Variants in DAB1 observed in about 807,000 individuals in gnomAD.
DAB1 encodes disabled homolog 1.
A neutral mutation model predicts 64.6 loss-of-function variants in DAB1; 15 were observed. The observed-to-expected ratio is 0.23, with a 90% CI of 0.16 to 0.36. DAB1 has a LOEUF of 0.36. DAB1 is among the 10% of genes least tolerant of loss of function. The pLI, the probability that DAB1 is intolerant of heterozygous loss-of-function variation, is 1.00. For missense variants in DAB1, 596 were observed against 706.7 expected, an observed-to-expected ratio of 0.84 and a Z score of 1.78; for synonymous variants, 235 against 251.9, an observed-to-expected ratio of 0.93 and a Z score of 0.64.
chr1:58,057,090 TC>T (rs1019431055), intron 5 of DAB1, among the ~76,000 whole-genome samples: 5 of 152,156 alleles, frequency 3.3e-5, no homozygotes, highest in Non-Finnish European at 7.4e-5. Flanking sequence ...ACTCTGATTT[TC>T]CCCTCTGGCC....
At chr1:57,440,042 C>A (rs1685881965) in intron 7 of DAB1, among the ~76,000 whole-genome samples, 1 of 152,172 alleles carries the variant, frequency 6.6e-6, no homozygotes, top group Non-Finnish European at 1.5e-5. Flanking sequence ...TCACCTTCTA[C>A]TTGTTTGCCT....
chr1:57,825,897 C>T (rs2101899496), downstream of DAB1, among the ~76,000 whole-genome samples: 2 of 152,222 alleles, frequency 1.3e-5, no homozygotes, highest in East Asian at 3.9e-4. Flanking sequence ...TTTCTGATCT[C>T]CTGGGTCTCA....
intron 6 of DAB1, among the ~76,000 whole-genome samples, chr1:57,777,197 C>T (rs1029226039): frequency 3.3e-5 from 2 of 61,046 alleles, no homozygotes; most frequent in Non-Finnish European, 6.5e-5. Flanking sequence ...TATTTGTATT[C>T]CTCTATACTT....
At chr1:57,707,836 TCTCTGAGCCCAGGATCTATGTGA>T (rs1434021428) in intron 6 of DAB1, among the ~76,000 whole-genome samples, 1 of 152,168 alleles carries the variant, frequency 6.6e-6, no homozygotes, top group Non-Finnish European at 1.5e-5. Flanking sequence ...ATTAGGGGGC[TCTCTGAGCCCAGGATCTATGTGA>T]CTCTTGCAGA....
chr1:57,513,913 T>G (rs1056350408), intron 7 of DAB1, among the ~76,000 whole-genome samples: 1 of 152,206 alleles, frequency 6.6e-6, no homozygotes, highest in Non-Finnish European at 1.5e-5. Flanking sequence ...AGTTCCACTT[T>G]TTTTAGGTTC....
chr1:57,873,313 G>C (rs1236633199), intron 1 of DAB1, among the ~76,000 whole-genome samples: 1 of 152,112 alleles, frequency 6.6e-6, no homozygotes, highest in Non-Finnish European at 1.5e-5. Flanking sequence ...TAAAAAATGA[G>C]TAGGGTGAGA....
chr1:58,056,240 T>C, intron 5 of DAB1: 1 of 1,429,794 alleles, frequency 7.0e-7, no homozygotes, highest in Non-Finnish European at 9.7e-7. Context: ...ACTACTTTGC[T>C]GTGAATTGCA....
At chr1:57,847,036 G>A (rs1320452760) in intron 1 of DAB1, among the ~76,000 whole-genome samples, 4 of 152,186 alleles carry the variant, frequency 2.6e-5, no homozygotes, top group Admixed American at 6.5e-5. Flanking sequence ...ACCCACTTGT[G>A]AAGCACAGAA....
intron 1 of DAB1, among the ~76,000 whole-genome samples, chr1:57,381,855 G>A (rs748563459): frequency 6.6e-6 from 1 of 152,040 alleles, no homozygotes; most frequent in Non-Finnish European, 1.5e-5. Context: ...ATTAAACTTC[G>A]AGCTCACTGC....
chr1:57,504,095 G>A (rs369806223), intron 7 of DAB1, among the ~76,000 whole-genome samples: 18 of 152,184 alleles, frequency 1.2e-4, no homozygotes, highest in African/African-American at 4.3e-4. Flanking sequence ...CTGGCAGACA[G>A]GAGGCATTAA....
Position 57,269,483 on chromosome 1 carries a change from C to T in DAB1, c.67+21481G>A, listed in dbSNP as rs189606156. ...TAAGAGCCCCCTGAAGCTGTCACCC[C>T]CCTCCCTGGCCACTCACAGAACAAA... On this transcript the variant is annotated intron_variant, in intron 2 of 14. Coordinates refer to ENST00000371236, the MANE Select transcript of DAB1 (RefSeq NM_001365792.1). Among the ~76,000 whole-genome samples, 587 of 152,188 alleles carry T rather than the reference C, an allele frequency of 3.9e-3. 2 individuals are homozygous for T. Among genetic ancestry groups the T allele is most frequent in the Middle Eastern group, 0.014 (4 of 294 alleles).
intron 6 of DAB1, among the ~76,000 whole-genome samples, chr1:57,750,524 A>G (rs1368655439): frequency 6.6e-6 from 1 of 152,202 alleles, no homozygotes; most frequent in Admixed American, 6.5e-5. Context: ...TATTGTAATA[A>G]ACATTCAATG....
chr1:57,953,530 A>C (rs1327136234), intron 5 of DAB1, among the ~76,000 whole-genome samples: 1 of 152,188 alleles, frequency 6.6e-6, no homozygotes, highest in African/African-American at 2.4e-5. Flanking sequence ...CATTTTACAG[A>C]GTGGACTCCA....
chr1:58,147,983 G>GAAAAAAAAAAAA (rs58099365), intron 5 of DAB1, among the ~76,000 whole-genome samples: 1 of 113,554 alleles, frequency 8.8e-6, no homozygotes, highest in Non-Finnish European at 2.0e-5. Context: ...TATAGCTGGA[G>GAAAAAAAAAAAA]AAAAAAAAAA....
At chr1:57,503,248 C>G (rs962377869) in intron 7 of DAB1, among the ~76,000 whole-genome samples, 5 of 152,214 alleles carry the variant, frequency 3.3e-5, no homozygotes, top group African/African-American at 1.2e-4. Context: ...TAGAGCATTC[C>G]CCTTAAATCC....
At chr1:58,343,109 C>G (rs1238240973) in intron 4 of DAB1, among the ~76,000 whole-genome samples, 1 of 152,180 alleles carries the variant, frequency 6.6e-6, no homozygotes, top group Non-Finnish European at 1.5e-5. Context: ...CCAGCCCCAA[C>G]TCCCTTTTCC....
chr1:57,525,334 G>A (rs1005338616), intron 7 of DAB1, among the ~76,000 whole-genome samples: 3 of 152,078 alleles, frequency 2.0e-5, no homozygotes, highest in African/African-American at 7.2e-5. Context: ...AGGAGCTAAA[G>A]GAAAGTTTGG....
At chr1:58,056,918 A>G (rs1035044823) in intron 5 of DAB1, among the ~76,000 whole-genome samples, 1 of 151,684 alleles carries the variant, frequency 6.6e-6, no homozygotes, top group Non-Finnish European at 1.5e-5. Flanking sequence ...CACACCGTCC[A>G]TGTCTAGGGG....
At chr1:57,840,747 A>G (rs1411242038) in intron 1 of DAB1, among the ~76,000 whole-genome samples, 2 of 152,150 alleles carry the variant, frequency 1.3e-5, no homozygotes, top group Non-Finnish European at 2.9e-5. Context: ...TGTGAATAGC[A>G]TGGGGAAAAT....
Sources: allele counts gnomAD v4.1 joint callset (sites outside exome capture counted in the v4.1 genomes callset), GRCh38; gene constraint gnomAD v4.1.1; transcripts MANE v1.5; gene names NCBI Gene and HGNC (gene_info 2026-07-23, HGNC 2026-07-21).